The following DLG2 variants were observed in gnomAD, a reference collection of about 807,000 sequenced individuals.
DLG2 encodes discs large MAGUK scaffold protein 2, also known as disks large homolog 2.
Under a neutral mutation model 132.5 loss-of-function variants are expected in DLG2, and 45 were observed. The observed-to-expected ratio is 0.34, with a 90% CI of 0.27 to 0.44. The LOEUF is 0.44. Among genes scored for constraint, DLG2 ranks in the 20% least tolerant of loss-of-function variants. The pLI is 1.00. For missense variants in DLG2, 1,045 were observed against 1,196.9 expected (o/e 0.87, Z 1.87); for synonymous variants, 424 against 419.6 (o/e 1.01, Z -0.13).
At chr11:83,718,827 G>C (rs1447476949) in intron 18 of DLG2, among the ~76,000 whole-genome samples, 1 of 152,116 alleles carries the variant, frequency 6.6e-6, no homozygotes, top group Non-Finnish European at 1.5e-5. Flanking sequence ...GGAGCAACTG[G>C]GTTCTAATAC....
At chr11:85,612,269 A>G (rs1345220560) in intron 2 of DLG2, among the ~76,000 whole-genome samples, 1 of 152,204 alleles carries the variant, frequency 6.6e-6, no homozygotes, top group East Asian at 1.9e-4. Context: ...AAAATCCTTA[A>G]CCCAGCAGGT....
intron 3 of DLG2, among the ~76,000 whole-genome samples, chr11:85,349,048 C>A (rs1490170357): frequency 6.6e-6 from 1 of 152,116 alleles, no homozygotes; most frequent in South Asian, 2.1e-4. Flanking sequence ...ACCAGAAACA[C>A]CAGTTCAGGC....
At chr11:84,055,580 A>T (rs2096484296) in intron 11 of DLG2, among the ~76,000 whole-genome samples, 1 of 152,036 alleles carries the variant, frequency 6.6e-6, no homozygotes, top group South Asian at 2.1e-4. Flanking sequence ...CTTTTCCTAC[A>T]CTATAGCCAT....
intron 6 of DLG2, among the ~76,000 whole-genome samples, chr11:84,642,097 G>GTT (rs2099667726): frequency 7.6e-6 from 1 of 131,600 alleles, no homozygotes; most frequent in Non-Finnish European, 1.6e-5. Context: ...TGTAGAGTGT[G>GTT]TGTGTGTGTG....
In DLG2 at chr11:84,668,698, C is replaced by T. The variant is rs72943789; in HGVS notation, c.358-133967G>A. On this transcript the variant is annotated intron_variant, in intron 6 of 27. Coordinates refer to ENST00000376104, the MANE Select transcript of DLG2 (RefSeq NM_001142699.3). ...TCTTTCTAGAGCAATAATATTTTAT[C>T]GCTGACTCTGAGTCAAGTCACCATT... Among the ~76,000 whole-genome samples, 791 of 152,232 alleles carry T rather than the reference C, an allele frequency of 5.2e-3. 5 individuals are homozygous for T. The highest frequency in any genetic ancestry group is 9.1e-3 in the Non-Finnish European group (618 of 68,016).
At chr11:84,773,266 T>C (rs1342818631) in intron 6 of DLG2, among the ~76,000 whole-genome samples, 18 of 152,052 alleles carry the variant, frequency 1.2e-4, no homozygotes, top group Non-Finnish European at 4.4e-5. Flanking sequence ...AATAATGAGT[T>C]TCAGAACTGA....
intron 6 of DLG2, among the ~76,000 whole-genome samples, chr11:84,939,202 A>G (rs1283272694): frequency 2.6e-5 from 4 of 152,164 alleles, no homozygotes; most frequent in Non-Finnish European, 5.9e-5. Flanking sequence ...TGAGAGCCTG[A>G]CTATACAAAA....
At chr11:85,383,312 TA>T (rs913694589) in intron 3 of DLG2, among the ~76,000 whole-genome samples, 8 of 152,068 alleles carry the variant, frequency 5.3e-5, no homozygotes, top group African/African-American at 1.9e-4. Flanking sequence ...GTGCTGAGGA[TA>T]GGGGATGTGA....
At chr11:84,242,646 T>C (rs970396614) in intron 8 of DLG2, among the ~76,000 whole-genome samples, 2 of 152,120 alleles carry the variant, frequency 1.3e-5, no homozygotes, top group African/African-American at 4.8e-5. Context: ...CCTCAGGTAA[T>C]TTGCCCACCT....
intron 19 of DLG2, among the ~76,000 whole-genome samples, chr11:83,554,725 C>A (rs1239951597): frequency 2.0e-5 from 3 of 152,170 alleles, no homozygotes; most frequent in Non-Finnish European, 2.9e-5. Context: ...TTGGGCTGGA[C>A]TGACTGGGCA....
intron 6 of DLG2, among the ~76,000 whole-genome samples, chr11:84,907,189 A>G (rs937248060): frequency 1.3e-5 from 2 of 152,260 alleles, no homozygotes; most frequent in African/African-American, 4.8e-5. Flanking sequence ...GTCCGACTTC[A>G]TTTATTTAGA....
intron 6 of DLG2, among the ~76,000 whole-genome samples, chr11:84,661,544 C>T (rs1004769374): frequency 2.6e-5 from 4 of 152,136 alleles, no homozygotes; most frequent in Non-Finnish European, 4.4e-5. Flanking sequence ...ATGTTAATTG[C>T]TATTATGTGT....
At chr11:84,050,758 C>T (rs1239734846) in intron 11 of DLG2, among the ~76,000 whole-genome samples, 1 of 151,894 alleles carries the variant, frequency 6.6e-6, no homozygotes, top group Non-Finnish European at 1.5e-5. Context: ...TTCCCAGCAC[C>T]ATTTATTAAA....
chr11:84,333,299 A>C (rs887120867), intron 7 of DLG2, among the ~76,000 whole-genome samples: 2 of 152,240 alleles, frequency 1.3e-5, no homozygotes, highest in South Asian at 4.1e-4. Flanking sequence ...TAGCTCCCTA[A>C]CAAGTAAAAA....
chr11:83,847,527 A>G (rs1427734618), intron 16 of DLG2, among the ~76,000 whole-genome samples: 2 of 152,214 alleles, frequency 1.3e-5, no homozygotes, highest in Non-Finnish European at 2.9e-5. Context: ...TGATTTGGAT[A>G]TATCCATATT....
At chr11:85,020,806 T>C (rs1211958742) in intron 6 of DLG2, 1 of 729,852 alleles carries the variant, frequency 1.4e-6, no homozygotes, top group African/African-American at 1.7e-5. Flanking sequence ...CTCAGCCTCT[T>C]TTTCATCATC....
At chr11:85,593,410 A>C (rs2079509829) in intron 3 of DLG2, among the ~76,000 whole-genome samples, 1 of 152,188 alleles carries the variant, frequency 6.6e-6, no homozygotes, top group Non-Finnish European at 1.5e-5. Flanking sequence ...TTTCTTATTC[A>C]GTCAGTAGGT....
chr11:85,547,438 A>G (rs1222994200), intron 3 of DLG2, among the ~76,000 whole-genome samples: 2 of 151,642 alleles, frequency 1.3e-5, no homozygotes, highest in Non-Finnish European at 3.0e-5. Context: ...CTTCATTTCA[A>G]TGTGAATCTG....
rs773692866 is a variant in DLG2, at chr11:83,906,081, CTATATATATA to C, written c.1496+24237_1496+24246del. Among the ~76,000 whole-genome samples, 74 of 96,632 alleles carry C rather than the reference CTATATATATA, an allele frequency of 7.7e-4. No homozygotes were observed. The South Asian group carries it at 0.011, about 14-fold the overall frequency. The allele number at this position is 96,632 out of a possible 152,430, so 63.4% of individuals were successfully genotyped here. ...TCTCTCTCTCTCTCTCTCTCTCTCTCTATATATATATATATATATATATACATATATAGTT... is the reference window on the plus strand; with the variant it reads ...TCTCTCTCTCTCTCTCTCTCTCTCTCTATATATATATATACATATATAGTT... On this transcript the variant is annotated intron_variant, in intron 15 of 27. Transcript: ENST00000376104.
Sources: gnomAD v4.1 joint callset for allele counts (sites outside exome capture counted in the v4.1 genomes callset) on GRCh38, gnomAD v4.1.1 for gene constraint, MANE v1.5 for transcripts, NCBI Gene and HGNC (gene_info 2026-07-23, HGNC 2026-07-21) for gene names.